The following AGXT2 variants were observed in gnomAD, a reference collection of about 807,000 sequenced individuals.
The protein encoded by AGXT2 is alanine--glyoxylate aminotransferase 2, mitochondrial.
Under a neutral mutation model 62.5 loss-of-function variants are expected in AGXT2, and 61 were observed. The observed-to-expected ratio is 0.98, with a 90% confidence interval of 0.79 to 1.21. AGXT2 has a LOEUF of 1.21. Among genes scored for constraint, AGXT2 ranks in the 50% most tolerant of loss-of-function variants. AGXT2 has a pLI of 0.00. For synonymous variants in AGXT2, 243 were observed against 218.7 expected (o/e 1.11, Z -0.98); for missense variants, 666 against 641.5 (o/e 1.04, Z -0.41).
intron 7 of AGXT2, among the ~76,000 whole-genome samples, chr5:35,030,429 A>G (rs1191043494): frequency 6.6e-6 from 1 of 151,760 alleles, no homozygotes; most frequent in Non-Finnish European, 1.5e-5. Context: ...AATCGCTTGA[A>G]CCCGGGAGGC....
In AGXT2 at chr5:35,040,666, G is replaced by C. The variant is rs368387292; in HGVS notation, c.89-3C>G. 1.1e-5 allele frequency: 18 copies of C among 1,611,860 alleles called. No individual in the cohort carries two copies. Among genetic ancestry groups the C allele is most frequent in the Non-Finnish European group, 1.4e-5 (17 of 1,177,910 alleles). ...TACTGATGTCCGGGAAGTACCTACT[G>C]AAAGTGAAGTGAGTTAGAATCCTCA... On this transcript the variant is annotated splice_region_variant and splice_polypyrimidine_tract_variant and intron_variant, in intron 1 of 13. Coordinates refer to ENST00000231420, the MANE Select transcript of AGXT2 (RefSeq NM_031900.4).
At chr5:35,026,972 A>C in intron 7 of AGXT2, 1 of 985,388 alleles carries the variant, frequency 1.0e-6, no homozygotes, top group Non-Finnish European at 1.2e-6. Flanking sequence ...CTTTGTCTTT[A>C]GAGTTAGTAA....
intron 7 of AGXT2, among the ~76,000 whole-genome samples, chr5:35,029,562 G>T (rs551532981): frequency 6.6e-6 from 1 of 152,352 alleles, no homozygotes; most frequent in Admixed American, 6.5e-5. Flanking sequence ...AACCCCAAGC[G>T]GGTGGAGACA....
chr5:35,027,914 C>A, intron 7 of AGXT2, among the ~76,000 whole-genome samples: 1 of 150,864 alleles, frequency 6.6e-6, no homozygotes, highest in South Asian at 2.2e-4. Flanking sequence ...CACCAGAATC[C>A]TTGCAGGCCC....
At chr5:35,026,587 A>G in intron 7 of AGXT2, 77 bp from the exon 8 acceptor site, 1 of 1,284,874 alleles carries the variant, frequency 7.8e-7, no homozygotes, top group Non-Finnish European at 1.1e-6. Flanking sequence ...AACATGGGGA[A>G]AAACAGGAAA....
At position 35,010,106 on chromosome 5, in the gene AGXT2, C is replaced by A. The variant is rs776264048; in HGVS notation, c.1232G>T (p.Gly411Val). The change falls in exon 12 of 14, where the codon GGG becomes GTG. Residue 411 changes from glycine (G) to valine (V), a missense_variant. Transcript: ENST00000231420. Reference sequence around the variant, plus strand: ...AGCAAACTTTAGTAACATGTAGGTCCCAACTTCTTGACTGTTTTCCTGTAG... The same window carrying A: ...AGCAAACTTTAGTAACATGTAGGTCACAACTTCTTGACTGTTTTCCTGTAG... Reference protein sequence around the residue: ...ENLQENSQEVGTYMLLKFAKL... With the variant: ...ENLQENSQEVVTYMLLKFAKL... 119 of 1,614,038 alleles carry A rather than the reference C, an allele frequency of 7.4e-5. No homozygotes were observed. Among genetic ancestry groups the A allele is most frequent in the Non-Finnish European group, 9.5e-5 (112 of 1,180,044 alleles).
intron 12 of AGXT2, among the ~76,000 whole-genome samples, chr5:35,008,623 C>G (rs1363390441): frequency 1.3e-5 from 2 of 152,142 alleles, no homozygotes; most frequent in Non-Finnish European, 2.9e-5. Context: ...GAGCTGGGGA[C>G]CTTAGTCTCA....
chr5:35,009,500 G>C (rs139548750), intron 12 of AGXT2, among the ~76,000 whole-genome samples: 1 of 152,070 alleles, frequency 6.6e-6, no homozygotes, highest in Admixed American at 6.6e-5. Flanking sequence ...GGAGGCTGAG[G>C]CTCGAGAATA....
rs779774757 is a variant in AGXT2, at chr5:35,039,493, G to T, written c.193C>A (p.Arg65Ser). 1 of 1,613,850 alleles carries T rather than the reference G, an allele frequency of 6.2e-7. No individual in the cohort carries two copies. The highest frequency in any genetic ancestry group is 1.7e-5 in the Admixed American group (1 of 60,010). Residue 65 changes from arginine to serine, a missense_variant, in exon 3 of 14, where the codon CGT becomes AGT. Arg to Ser is a moderately radical substitution (Grantham distance 110, BLOSUM62 -1). Coordinates refer to ENST00000231420, the MANE Select transcript of AGXT2 (RefSeq NM_031900.4). ...TGTTCCTTGTGGATTTCCAGGACACGGTTGTAGCCAAGGGACTGTAGATAA... is the reference window on the plus strand; with the variant it reads ...TGTTCCTTGTGGATTTCCAGGACACTGTTGTAGCCAAGGGACTGTAGATAA... ...PERYQSLGYN[R>S]VLEIHKEHLS...
intron 9 of AGXT2, among the ~76,000 whole-genome samples, chr5:35,015,744 G>A (rs764187094): frequency 6.6e-6 from 1 of 151,556 alleles, no homozygotes; most frequent in Non-Finnish European, 1.5e-5. Context: ...CAGCTACCTG[G>A]GAGGTTGAGG....
At chr5:35,026,299 G>A (rs1767345355) in intron 8 of AGXT2, 111 bp downstream of exon 8, 4 of 889,972 alleles carry the variant, frequency 4.5e-6, no homozygotes, top group African/African-American at 3.3e-5. Flanking sequence ...TGAATTTAGA[G>A]AGGGACACAG....
chr5:35,045,790 A>C (rs11959527), intron 1 of AGXT2, among the ~76,000 whole-genome samples: 41,065 of 133,866 alleles, frequency 0.31, 6,634 homozygotes, highest in Non-Finnish European at 0.38. Context: ...TTTTTTGAGA[A>C]GGAGTCTCAC....
At chr5:35,006,520 G>A (rs1766428737) in intron 12 of AGXT2, among the ~76,000 whole-genome samples, 1 of 151,836 alleles carries the variant, frequency 6.6e-6, no homozygotes, top group Admixed American at 6.6e-5. Flanking sequence ...AGTTAGGGAG[G>A]TGCCATACAT....
At chr5:35,034,389 T>A (rs558029797) in intron 5 of AGXT2, among the ~76,000 whole-genome samples, 3 of 152,300 alleles carry the variant, frequency 2.0e-5, no homozygotes, top group African/African-American at 7.2e-5. Flanking sequence ...ATTCCTGTAA[T>A]AACAGCATGC....
intron 11 of AGXT2, among the ~76,000 whole-genome samples, chr5:35,010,350 C>T (rs560408264): frequency 2.6e-5 from 4 of 152,190 alleles, no homozygotes; most frequent in African/African-American, 9.6e-5. Context: ...ATGCTTCTGC[C>T]CCCAACTCCC....
intron 13 of AGXT2, among the ~76,000 whole-genome samples, chr5:35,000,830 C>T (rs189787990): frequency 7.9e-5 from 12 of 152,274 alleles, no homozygotes; most frequent in African/African-American, 2.2e-4. Context: ...TCATTTCCTC[C>T]GAGCTACAGA....
At chr5:35,018,515 G>A (rs1334971670) in intron 9 of AGXT2, among the ~76,000 whole-genome samples, 3 of 151,944 alleles carry the variant, frequency 2.0e-5, no homozygotes, top group South Asian at 4.2e-4. Context: ...TTACAAACAA[G>A]CAAATGCTGA....
Position 35,032,257 on chromosome 5 carries a change from T to C in AGXT2, c.769+475A>G, listed in dbSNP as rs555358951. On this transcript the variant is annotated intron_variant, in intron 7 of 13. Coordinates refer to ENST00000231420, the MANE Select transcript of AGXT2 (RefSeq NM_031900.4). ...GTCAGCCACCATGCCCCGCCGGGCC[T>C]TGCTCTTTCATGCAGGCTGGAGTGC... 8.8e-4 allele frequency among the ~76,000 whole-genome samples: 134 copies of C among 152,168 alleles called. 1 individual carries two copies. The highest frequency in any genetic ancestry group is 3.0e-3 in the African/African-American group (125 of 41,522).
chr5:35,030,422 C>A (rs1001279495), intron 7 of AGXT2, among the ~76,000 whole-genome samples: 1 of 152,112 alleles, frequency 6.6e-6, no homozygotes, highest in African/African-American at 2.4e-5. Flanking sequence ...GCAGGAGAAT[C>A]GCTTGAACCC....
Sources: gnomAD v4.1 joint callset for allele counts (sites outside exome capture counted in the v4.1 genomes callset) on GRCh38, gnomAD v4.1.1 for gene constraint, MANE v1.5 for transcripts, NCBI Gene and HGNC (gene_info 2026-07-23, HGNC 2026-07-21) for gene names.